Variants in RBFOX1 observed in about 807,000 individuals in gnomAD.
RBFOX1 encodes RNA binding fox-1 homolog 1, also known as RNA binding protein fox-1 homolog 1.
A neutral mutation model predicts 57.7 loss-of-function variants in RBFOX1; 8 were observed. The observed-to-expected ratio is 0.14, with a 90% CI of 0.08 to 0.25. RBFOX1 has a LOEUF of 0.25. Among genes scored for constraint, RBFOX1 ranks in the 10% least tolerant of loss-of-function variants. The probability of loss-of-function intolerance (pLI) is 1.00; values close to 1 mark genes in which losing one functional copy is unlikely to be tolerated. For synonymous variants in RBFOX1, 326 were observed against 222.4 expected (o/e 1.47, Z -4.15); for missense variants, 611 against 548.5 (o/e 1.11, Z -1.14).
chr16:7,173,859 C>G (rs2081178908), intron 4 of RBFOX1, among the ~76,000 whole-genome samples: 1 of 152,144 alleles, frequency 6.6e-6, no homozygotes, highest in Non-Finnish European at 1.5e-5. Context: ...AATCATAAGA[C>G]ACACGTTAAA....
chr16:6,233,942 A>G (rs1367501402), intron 1 of RBFOX1, among the ~76,000 whole-genome samples: 1 of 152,206 alleles, frequency 6.6e-6, no homozygotes, highest in East Asian at 1.9e-4. Context: ...AATGTATTTT[A>G]TCACAGTTTC....
At chr16:7,136,472 T>G (rs1255780244) in intron 4 of RBFOX1, among the ~76,000 whole-genome samples, 2 of 147,088 alleles carry the variant, frequency 1.4e-5, no homozygotes, top group Non-Finnish European at 3.0e-5. Context: ...AGTGGTGCAA[T>G]GATGGTGCAA....
intron 1 of RBFOX1, among the ~76,000 whole-genome samples, chr16:6,096,932 C>G (rs571116613): frequency 6.6e-6 from 1 of 152,260 alleles, no homozygotes; most frequent in Admixed American, 6.5e-5. Flanking sequence ...AATGACGGCT[C>G]ACCCCTCTGC....
intron 2 of RBFOX1, among the ~76,000 whole-genome samples, chr16:6,621,064 C>T (rs560072863): frequency 6.6e-6 from 1 of 152,318 alleles, no homozygotes; most frequent in South Asian, 2.1e-4. Flanking sequence ...TGCCAGCAAT[C>T]CTTGGCTTAT....
chr16:5,826,079 A>ATATTCCTTAATATGAATAAGGAATAT (rs2056039161), intron 3 of RBFOX1, among the ~76,000 whole-genome samples: 9 of 132,050 alleles, frequency 6.8e-5, no homozygotes, highest in African/African-American at 1.8e-4. Context: ...ATAAGGAATA[A>ATATTCCTTAATATGAATAAGGAATAT]TATTCCTTAA....
At chr16:5,481,806 C>A (rs2069553025) in intron 2 of RBFOX1, among the ~76,000 whole-genome samples, 1 of 152,202 alleles carries the variant, frequency 6.6e-6, no homozygotes, top group Non-Finnish European at 1.5e-5. Flanking sequence ...CTCTCTGTGG[C>A]TTGTAGATGA....
At chr16:6,355,671 A>C (rs1305000383) in intron 2 of RBFOX1, among the ~76,000 whole-genome samples, 1 of 152,156 alleles carries the variant, frequency 6.6e-6, no homozygotes, top group African/African-American at 2.4e-5. Context: ...TGCTGGGTCA[A>C]ATGGTATTTC....
At chr16:7,043,678 CTAT>C (rs572534142) in intron 3 of RBFOX1, among the ~76,000 whole-genome samples, 55 of 152,284 alleles carry the variant, frequency 3.6e-4, no homozygotes, top group Non-Finnish European at 7.1e-4. Flanking sequence ...TTCCAACATT[CTAT>C]TATTGTGGAC....
intron 4 of RBFOX1, among the ~76,000 whole-genome samples, chr16:7,283,552 A>G (rs1416039328): frequency 6.6e-6 from 1 of 151,958 alleles, no homozygotes; most frequent in Non-Finnish European, 1.5e-5. Flanking sequence ...GGCCAGGGAA[A>G]CACCCTTGAC....
intron 2 of RBFOX1, among the ~76,000 whole-genome samples, chr16:6,652,960 C>G (rs529303093): frequency 5.3e-5 from 8 of 152,286 alleles, no homozygotes; most frequent in East Asian, 3.9e-4. Flanking sequence ...TCACTGATCT[C>G]AAAATAAAGT....
At chr16:7,552,313 A>G (rs1171822509) in intron 5 of RBFOX1, among the ~76,000 whole-genome samples, 2 of 152,162 alleles carry the variant, frequency 1.3e-5, no homozygotes, top group Admixed American at 6.5e-5. Context: ...TGTAATCCAT[A>G]GACTCCATCA....
intron 3 of RBFOX1, among the ~76,000 whole-genome samples, chr16:6,728,921 A>G (rs1361645705): frequency 2.6e-5 from 4 of 152,224 alleles, no homozygotes; most frequent in Admixed American, 2.6e-4. Flanking sequence ...ACATATGCAT[A>G]CATACGCACA....
chr16:6,991,987 T>G (rs1656885312), intron 3 of RBFOX1, among the ~76,000 whole-genome samples: 1 of 152,180 alleles, frequency 6.6e-6, no homozygotes, highest in Non-Finnish European at 1.5e-5. Flanking sequence ...ACTCCCTGTG[T>G]TTCAGAAGCT....
chr16:5,427,888 C>A (rs1456200778), intron 1 of RBFOX1, among the ~76,000 whole-genome samples: 1 of 152,212 alleles, frequency 6.6e-6, no homozygotes, highest in Non-Finnish European at 1.5e-5. Flanking sequence ...GACCATCTAT[C>A]TGGGCATCGT....
intron 2 of RBFOX1, among the ~76,000 whole-genome samples, chr16:6,646,392 A>G (rs2098535123): frequency 6.6e-6 from 1 of 152,274 alleles, no homozygotes; most frequent in East Asian, 1.9e-4. Context: ...TAGTAAATTA[A>G]TCCTGACAAG....
At chr16:6,977,822 T>G (rs1375541015) in intron 3 of RBFOX1, among the ~76,000 whole-genome samples, 3 of 151,868 alleles carry the variant, frequency 2.0e-5, no homozygotes, top group African/African-American at 7.3e-5. Flanking sequence ...CACCTTTGGC[T>G]TATTTGCAGT....
intron 4 of RBFOX1, among the ~76,000 whole-genome samples, chr16:7,293,499 G>A (rs1360236062): frequency 6.6e-6 from 1 of 152,154 alleles, no homozygotes; most frequent in Non-Finnish European, 1.5e-5. Context: ...GCATCATTTA[G>A]TGGGTGTATT....
chr16:7,234,588 A>ATGTGTGTGTG (rs138784510), intron 4 of RBFOX1, among the ~76,000 whole-genome samples: 1 of 141,878 alleles, frequency 7.0e-6, no homozygotes, highest in African/African-American at 2.6e-5. Context: ...GTGTATACAT[A>ATGTGTGTGTG]TGTGTGTGTG....
intron 3 of RBFOX1, among the ~76,000 whole-genome samples, chr16:7,007,737 A>T (rs369440077): frequency 2.6e-5 from 4 of 152,144 alleles, no homozygotes; most frequent in East Asian, 1.9e-4. Context: ...CTCCCATGAA[A>T]ATCATCTCAT....
Sources: gnomAD v4.1 joint callset for allele counts (sites outside exome capture counted in the v4.1 genomes callset) on GRCh38, gnomAD v4.1.1 for gene constraint, MANE v1.5 for transcripts, NCBI Gene and HGNC (gene_info 2026-07-23, HGNC 2026-07-21) for gene names.